Variants in HOMER1 observed in about 807,000 individuals in gnomAD.
The protein encoded by HOMER1 is homer protein homolog 1.
A neutral mutation model predicts 48.9 loss-of-function variants in HOMER1; 3 were observed. That is an observed-to-expected ratio of 0.06 (90% CI 0.03 to 0.16). The LOEUF is 0.16. Ranked by LOEUF, HOMER1 falls within the 10% of genes least tolerant of loss-of-function variation. The probability of loss-of-function intolerance (pLI) is 1.00; values close to 1 mark genes in which losing one functional copy is unlikely to be tolerated. For missense variants in HOMER1, 247 were observed against 411.4 expected, an observed-to-expected ratio of 0.60 and a Z score of 3.46; for synonymous variants, 134 against 146.4, an observed-to-expected ratio of 0.92 and a Z score of 0.61.
chr5:79,465,451 T>A (rs1253157307), intron 1 of HOMER1, among the ~76,000 whole-genome samples: 3 of 152,104 alleles, frequency 2.0e-5, no homozygotes, highest in African/African-American at 7.2e-5. Flanking sequence ...TTATCAGAAA[T>A]ATTTTCATGA....
intron 1 of HOMER1, among the ~76,000 whole-genome samples, chr5:79,506,354 C>CT (rs1227180050): frequency 2.6e-5 from 4 of 152,122 alleles, no homozygotes; most frequent in African/African-American, 4.8e-5. Context: ...TCAGTTTCAT[C>CT]TTTTTTTCCT....
rs534411636 is a variant in HOMER1 at position 79,475,391 on chromosome 5, G to A, written c.6-18373C>T. 1.5e-4 allele frequency among the ~76,000 whole-genome samples: 22 copies of A among 150,198 alleles called. No homozygotes were observed. In the South Asian group the frequency reaches 3.2e-3, roughly 22 times the overall value. ...CCAAACTCATGCCTGACCCATGCAAGGTGTTCAATAAATGCTGAAAAAATT... is the reference window on the plus strand; with the variant it reads ...CCAAACTCATGCCTGACCCATGCAAAGTGTTCAATAAATGCTGAAAAAATT... On this transcript the variant is annotated intron_variant, in intron 1 of 8. Coordinates refer to ENST00000334082, the MANE Select transcript of HOMER1 (RefSeq NM_004272.5).
chr5:79,505,828 G>A (rs1446046151), intron 1 of HOMER1, among the ~76,000 whole-genome samples: 1 of 151,914 alleles, frequency 6.6e-6, no homozygotes, highest in East Asian at 1.9e-4. Flanking sequence ...CCTTCCTTTA[G>A]TAGTCTACCT....
intron 2 of HOMER1, 66 bp from the exon 3 acceptor site, chr5:79,451,187 C>T: frequency 6.6e-7 from 1 of 1,506,334 alleles, no homozygotes; most frequent in East Asian, 2.3e-5. Context: ...AATACAAGAC[C>T]ATTCAGTTAC....
intron 1 of HOMER1, among the ~76,000 whole-genome samples, chr5:79,501,226 C>T (rs1752579575): frequency 6.6e-6 from 1 of 152,122 alleles, no homozygotes; most frequent in South Asian, 2.1e-4. Flanking sequence ...CTGCCTGGGC[C>T]TCCCAAAGTG....
rs148573552 is a variant in HOMER1 at position 79,490,792 on chromosome 5, A to AAAAC, written c.5+21977_5+21978insGTTT. Among the ~76,000 whole-genome samples, 1,282 of 145,620 alleles carry AAAAC rather than the reference A, an allele frequency of 8.8e-3. 41 individuals carry two copies. Among genetic ancestry groups the AAAAC allele is most frequent in the African/African-American group, 0.029 (1,103 of 37,702 alleles). ...ACCAAAAAAAAAAACAAAAAAAAAA[A>AAAAC]CCATAAAAAAATTAGCCAGGCATGG... On this transcript the variant is annotated intron_variant, in intron 1 of 8. Transcript: ENST00000334082.
At chr5:79,377,125 C>T (rs1330565265) in intron 8 of HOMER1, among the ~76,000 whole-genome samples, 1 of 152,168 alleles carries the variant, frequency 6.6e-6, no homozygotes, top group East Asian at 1.9e-4. Flanking sequence ...GCCACCACAC[C>T]TGGCTAATTT....
intron 1 of HOMER1, among the ~76,000 whole-genome samples, chr5:79,499,207 CTT>C (rs1370971586): frequency 2.0e-5 from 3 of 152,058 alleles, no homozygotes; most frequent in Admixed American, 6.5e-5. Flanking sequence ...GGTCTGAACT[CTT>C]TAGAAAACTA....
At chr5:79,437,152 A>G (rs1243508105) in intron 5 of HOMER1, among the ~76,000 whole-genome samples, 1 of 152,214 alleles carries the variant, frequency 6.6e-6, no homozygotes, top group Non-Finnish European at 1.5e-5. Flanking sequence ...AATCGTAGAC[A>G]TTTAGAAAAT....
At chr5:79,429,852 T>C (rs1353195405) in intron 5 of HOMER1, among the ~76,000 whole-genome samples, 2 of 151,916 alleles carry the variant, frequency 1.3e-5, no homozygotes, top group South Asian at 2.1e-4. Context: ...TGAAACCCCG[T>C]CTCTACTAAA....
chr5:79,483,395 G>C (rs973265142), intron 1 of HOMER1, among the ~76,000 whole-genome samples: 1 of 151,906 alleles, frequency 6.6e-6, no homozygotes, highest in Non-Finnish European at 1.5e-5. Context: ...AAATGTCTTA[G>C]AACTACATAG....
At chr5:79,456,319 A>C (rs543035246) in intron 2 of HOMER1, among the ~76,000 whole-genome samples, 1 of 152,312 alleles carries the variant, frequency 6.6e-6, no homozygotes. Context: ...GAAAACACTC[A>C]GTAGATGGTG....
chr5:79,486,967 A>G (rs951313007), intron 1 of HOMER1, among the ~76,000 whole-genome samples: 55 of 152,340 alleles, frequency 3.6e-4, no homozygotes, highest in African/African-American at 1.3e-3. Flanking sequence ...AGAAGACCCA[A>G]AATGTAATAG....
In HOMER1 at chr5:79,513,101, A is replaced by G. The variant is rs1752986828; in HGVS notation, c.-327T>C. On this transcript the variant is annotated 5_prime_UTR_variant, in exon 1 of 9. Transcript: ENST00000334082. ...AATCCGGCTTCACCGAGTCCTATAA[A>G]AAATGAGTTCGCTGGTCATTTCACT... The G allele has an allele frequency of 2.7e-6, 1 of 368,236 alleles. No individual in the cohort carries two copies. The highest frequency in any genetic ancestry group is 2.1e-5 in the African/African-American group (1 of 46,888). 22.8% of individuals were successfully genotyped at this position (368,236 alleles called of 1,614,324 possible).
intron 1 of HOMER1, among the ~76,000 whole-genome samples, chr5:79,467,263 G>A (rs931646376): frequency 6.6e-6 from 1 of 151,478 alleles, no homozygotes; most frequent in Non-Finnish European, 1.5e-5. Context: ...TGCTGGCAGG[G>A]GCCTGTAATC....
chr5:79,422,343 A>G (rs1750124684), intron 5 of HOMER1, among the ~76,000 whole-genome samples: 1 of 152,176 alleles, frequency 6.6e-6, no homozygotes, highest in Admixed American at 6.5e-5. Context: ...TTTCAACTAC[A>G]CATTTTAAAG....
At chr5:79,462,250 T>C (rs138557682) in intron 1 of HOMER1, among the ~76,000 whole-genome samples, 1 of 152,246 alleles carries the variant, frequency 6.6e-6, no homozygotes, top group East Asian at 1.9e-4. Context: ...ACTTTAATCA[T>C]AGAGCACTAT....
chr5:79,504,230 T>C (rs1429440528), intron 1 of HOMER1, among the ~76,000 whole-genome samples: 1 of 151,968 alleles, frequency 6.6e-6, no homozygotes, highest in East Asian at 1.9e-4. Context: ...CTGAGCTTAA[T>C]GTATACAGAA....
chr5:79,430,453 G>C (rs1469645781), intron 5 of HOMER1, among the ~76,000 whole-genome samples: 3 of 152,198 alleles, frequency 2.0e-5, no homozygotes, highest in Non-Finnish European at 4.4e-5. Flanking sequence ...CTGCTTTGCA[G>C]TTCCTCCAAA....
Sources: allele counts gnomAD v4.1 joint callset (sites outside exome capture counted in the v4.1 genomes callset), GRCh38; gene constraint gnomAD v4.1.1; transcripts MANE v1.5; gene names NCBI Gene and HGNC (gene_info 2026-07-23, HGNC 2026-07-21).